The following CPED1 variants were observed in gnomAD, a reference collection of about 807,000 sequenced individuals.
The protein encoded by CPED1 is cadherin-like and PC-esterase domain-containing protein 1.
In CPED1, 114 loss-of-function variants were observed where a neutral mutation model predicts 128.2. The observed-to-expected ratio is 0.89, with a 90% CI of 0.76 to 1.04. The LOEUF (loss-of-function observed/expected upper bound fraction) is 1.04. CPED1 is among the 50% of genes least tolerant of loss of function. The pLI, the probability that CPED1 is intolerant of heterozygous loss-of-function variation, is 0.00. For synonymous variants in CPED1, 462 were observed against 426.7 expected (o/e 1.08, Z -1.02); for missense variants, 1,211 against 1,207.1 (o/e 1.00, Z -0.05).
intron 16 of CPED1, among the ~76,000 whole-genome samples, chr7:121,196,598 A>G (rs777407844): frequency 2.8e-4 from 43 of 152,126 alleles, no homozygotes; most frequent in Non-Finnish European, 1.2e-4. Flanking sequence ...AGCTGTGAGA[A>G]TTAAATAGGA....
Position 121,217,895 on chromosome 7 carries a change from G to A in CPED1, c.2056-18819G>A, listed in dbSNP as rs75611459. 2.6e-3 allele frequency among the ~76,000 whole-genome samples: 393 copies of A among 152,102 alleles called. 3 individuals carry two copies. Among genetic ancestry groups the A allele is most frequent in the African/African-American group, 8.5e-3 (355 of 41,540 alleles). ...AGGGTTACTGGAGGTGTGTACCTGTGTGTGTGCCTGTGTAGATGTGTGCAT... is the reference window on the plus strand; with the variant it reads ...AGGGTTACTGGAGGTGTGTACCTGTATGTGTGCCTGTGTAGATGTGTGCAT... On this transcript the variant is annotated intron_variant, in intron 16 of 22. Transcript: ENST00000310396.
intron 3 of CPED1, among the ~76,000 whole-genome samples, chr7:121,037,153 T>G (rs1466355447): frequency 6.6e-6 from 1 of 152,156 alleles, no homozygotes; most frequent in African/African-American, 2.4e-5. Flanking sequence ...TTAAGTCCCT[T>G]CTATTTATCT....
rs374533243 is a variant in CPED1, at chr7:121,064,324, G to A, written c.616+11G>A. 260 of 1,598,164 alleles carry A rather than the reference G, an allele frequency of 1.6e-4. 2 individuals carry two copies. In the South Asian group the frequency reaches 2.6e-3, roughly 16 times the overall value. On this transcript the variant is annotated intron_variant, in intron 5 of 22. Transcript: ENST00000310396. ...TTAGAAGATTCCCAGGTAATCTTTCGTTTGCTTCCTTAGGCTTAAACATGT... is the reference window on the plus strand; with the variant it reads ...TTAGAAGATTCCCAGGTAATCTTTCATTTGCTTCCTTAGGCTTAAACATGT...
chr7:121,085,912 C>T (rs1458937292), intron 5 of CPED1, among the ~76,000 whole-genome samples: 1 of 152,134 alleles, frequency 6.6e-6, no homozygotes, highest in East Asian at 1.9e-4. Flanking sequence ...AATATTTCTC[C>T]CGAACAGAGT....
At chr7:121,145,723 A>G (rs192000578) in intron 16 of CPED1, among the ~76,000 whole-genome samples, 10 of 144,666 alleles carry the variant, frequency 6.9e-5, no homozygotes, top group Admixed American at 6.4e-4. Flanking sequence ...TTAGGTTTCA[A>G]ATTAATAGCT....
intron 16 of CPED1, among the ~76,000 whole-genome samples, chr7:121,227,351 A>T (rs1468497488): frequency 6.6e-6 from 1 of 152,054 alleles, no homozygotes; most frequent in Non-Finnish European, 1.5e-5. Flanking sequence ...GGACTCTGAC[A>T]AGTGCTAGAA....
chr7:121,060,010 T>TG (rs1268378740), intron 4 of CPED1, among the ~76,000 whole-genome samples: 1 of 152,068 alleles, frequency 6.6e-6, no homozygotes, highest in East Asian at 1.9e-4. Context: ...GCGCGGCGCT[T>TG]GCGGGCCAGC....
Position 121,148,838 on chromosome 7 carries a change from T to C in CPED1, c.2055+6697T>C, listed in dbSNP as rs1199726604. On this transcript the variant is annotated intron_variant, in intron 16 of 22. Coordinates refer to ENST00000310396, the MANE Select transcript of CPED1 (RefSeq NM_024913.5). ...GTTGATATAAAGACAAATGTATTTA[T>C]ATTACAGATATAGACTGTCTTCTCC... Among the ~76,000 whole-genome samples the C allele has an allele frequency of 1.3e-5, 2 of 152,202 alleles. 1 individual carries two copies. The highest frequency in any genetic ancestry group is 4.8e-5 in the African/African-American group (2 of 41,444).
rs1798404127 is a variant in CPED1, at chr7:121,241,836, C to T, written c.2174-2366C>T. Among the ~76,000 whole-genome samples the T allele has an allele frequency of 2.0e-5, 3 of 152,160 alleles. No individual in the cohort carries two copies. In the South Asian group the frequency reaches 6.2e-4, roughly 32 times the overall value. On this transcript the variant is annotated intron_variant, in intron 17 of 22. Transcript: ENST00000310396. Reference sequence around the variant, plus strand: ...ATCAGGCACTATGGCAGGTGTTATACATATTTTCCTTGTGGAGAAGTAAAT... The same window carrying T: ...ATCAGGCACTATGGCAGGTGTTATATATATTTTCCTTGTGGAGAAGTAAAT...
At chr7:121,250,224 G>A (rs1432202838) in intron 18 of CPED1, among the ~76,000 whole-genome samples, 1 of 152,014 alleles carries the variant, frequency 6.6e-6, no homozygotes, top group Non-Finnish European at 1.5e-5. Context: ...AATAACTACT[G>A]GGTACATAAC....
At chr7:120,996,349 A>G (rs537158965) in intron 2 of CPED1, among the ~76,000 whole-genome samples, 2 of 152,298 alleles carry the variant, frequency 1.3e-5, no homozygotes, top group Non-Finnish European at 2.9e-5. Flanking sequence ...CCCACATATT[A>G]TAAAATTTAA....
At chr7:121,192,754 T>C (rs1308124013) in intron 16 of CPED1, among the ~76,000 whole-genome samples, 2 of 152,122 alleles carry the variant, frequency 1.3e-5, no homozygotes, top group Non-Finnish European at 2.9e-5. Flanking sequence ...ATTTCCTCAC[T>C]TGAATACAAA....
At chr7:121,236,864 A>G in intron 17 of CPED1, 33 bp downstream of exon 17, 1 of 1,203,310 alleles carries the variant, frequency 8.3e-7, no homozygotes, top group Non-Finnish European at 1.2e-6. Flanking sequence ...CTTCTCTAAA[A>G]AAAGAATAAT....
rs952894921 is a variant in CPED1, at chr7:121,240,455, TAGAA to T, written c.2173+3630_2173+3633del. Among the ~76,000 whole-genome samples the T allele has an allele frequency of 1.3e-5, 2 of 152,152 alleles. 1 individual carries two copies. The highest frequency in any genetic ancestry group is 1.3e-4 in the Admixed American group (2 of 15,276). On this transcript the variant is annotated intron_variant, in intron 17 of 22. Coordinates refer to ENST00000310396, the MANE Select transcript of CPED1 (RefSeq NM_024913.5). ...TGCCCTCAACATATCATTATCCTATTAGAAAGAAAATTAACAATCTTTGCTTAAA... is the reference window on the plus strand; with the variant it reads ...TGCCCTCAACATATCATTATCCTATTAGAAAATTAACAATCTTTGCTTAAA...
chr7:121,256,767 G>A (rs1209570714), intron 18 of CPED1, among the ~76,000 whole-genome samples: 1 of 151,906 alleles, frequency 6.6e-6, no homozygotes, highest in African/African-American at 2.4e-5. Flanking sequence ...GCATGCACTC[G>A]TATGTTCATC....
At chr7:121,270,462 G>A (rs1717514087) in intron 21 of CPED1, among the ~76,000 whole-genome samples, 1 of 151,994 alleles carries the variant, frequency 6.6e-6, no homozygotes, top group Non-Finnish European at 1.5e-5. Context: ...CTTTGCCAAG[G>A]CCAGTGTCCA....
At chr7:121,192,399 T>C (rs1294086417) in intron 16 of CPED1, among the ~76,000 whole-genome samples, 1 of 152,168 alleles carries the variant, frequency 6.6e-6, no homozygotes, top group Non-Finnish European at 1.5e-5. Context: ...TTCCAAAATC[T>C]AAAAACATCT....
At chr7:120,993,020 C>T (rs1053743100) in intron 2 of CPED1, among the ~76,000 whole-genome samples, 1 of 152,124 alleles carries the variant, frequency 6.6e-6, no homozygotes, top group African/African-American at 2.4e-5. Context: ...TTCATTTTTC[C>T]ATTTGAATAA....
At chr7:121,008,488 G>A (rs1364169858) in intron 2 of CPED1, among the ~76,000 whole-genome samples, 1 of 152,120 alleles carries the variant, frequency 6.6e-6, no homozygotes, top group African/African-American at 2.4e-5. Context: ...TCAAGGCAAG[G>A]AAAAGATAGG....
Sources: gnomAD v4.1 joint callset for allele counts (sites outside exome capture counted in the v4.1 genomes callset) on GRCh38, gnomAD v4.1.1 for gene constraint, MANE v1.5 for transcripts, NCBI Gene and HGNC (gene_info 2026-07-23, HGNC 2026-07-21) for gene names.